Variants in ZNF799 observed in about 807,000 individuals in gnomAD.
The protein encoded by ZNF799 is zinc finger protein 799, also known as zinc finger protein 14.
Under a neutral mutation model 41.0 loss-of-function variants are expected in ZNF799, and 28 were observed. The observed-to-expected ratio is 0.68, with a 90% CI of 0.51 to 0.94. ZNF799 has a LOEUF of 0.94. ZNF799 is among the 40% of genes least tolerant of loss of function. The pLI is 0.00. For missense variants in ZNF799, 716 were observed against 764.3 expected, an observed-to-expected ratio of 0.94 and a Z score of 0.74; for synonymous variants, 213 against 252.9, an observed-to-expected ratio of 0.84 and a Z score of 1.50.
upstream of ZNF799, among the ~76,000 whole-genome samples, chr19:12,403,475 G>C (rs1970011453): frequency 6.7e-6 from 1 of 149,658 alleles, no homozygotes; most frequent in East Asian, 1.9e-4. Flanking sequence ...TTTGGGTTTG[G>C]TTTGCTCTTG....
intron 1 of ZNF799, among the ~76,000 whole-genome samples, chr19:12,399,945 C>G (rs1171596140): frequency 2.0e-5 from 3 of 152,162 alleles, no homozygotes; most frequent in Admixed American, 2.0e-4. Flanking sequence ...CCACCGTGTT[C>G]AGGAACCCAA....
At chr19:12,406,207 C>T (rs186254991), upstream of ZNF799, among the ~76,000 whole-genome samples, 1,249 of 149,718 alleles carry the variant, frequency 8.3e-3, 13 homozygotes, top group African/African-American at 0.028. Context: ...AGGCCCGGCG[C>T]GGTGGCTCAC....
At chr19:12,399,218 C>T (rs1179170448) in intron 1 of ZNF799, among the ~76,000 whole-genome samples, 3 of 152,198 alleles carry the variant, frequency 2.0e-5, no homozygotes, top group Non-Finnish European at 4.4e-5. Context: ...TCACCTGGGA[C>T]ATCCCTTAAC....
chr19:12,400,954 G>C, intron 1 of ZNF799, 114 bp downstream of exon 1: 1 of 1,593,930 alleles, frequency 6.3e-7, no homozygotes, highest in East Asian at 2.2e-5. Flanking sequence ...AGGGGAACCC[G>C]GGTCCGTAGA....
Position 12,401,236 on chromosome 19 carries a change from A to G in ZNF799, c.-166T>C, listed in dbSNP as rs1969981161. The G allele has an allele frequency of 4.8e-6, 7 of 1,455,998 alleles. No homozygotes were observed. The South Asian group carries it at 7.9e-5, about 17-fold the overall frequency. The allele number at this position is 1,455,998 out of a possible 1,614,324, so 90.2% of individuals were successfully genotyped here. A position where few individuals can be genotyped will look rare whatever the true frequency, so the allele number is the denominator to read the frequency against. On this transcript the variant is annotated 5_prime_UTR_variant, in exon 1 of 4. Coordinates refer to ENST00000430385, the MANE Select transcript of ZNF799 (RefSeq NM_001080821.3). ...TGGAGAAGACGCCGCGGGCTTTTTC[A>G]ACCACACACTCCTCTGGGAAGCGCG...
chr19:12,390,232 G>A lies in ZNF799; in HGVS notation c.*234C>T. On this transcript the variant is annotated 3_prime_UTR_variant, in exon 4 of 4. Coordinates refer to ENST00000430385, the MANE Select transcript of ZNF799 (RefSeq NM_001080821.3). ...AGAGTATACAAGAGGATGTGGGTAAGTTACATACAAATATGTCATTTTATA... is the reference window on the plus strand; with the variant it reads ...AGAGTATACAAGAGGATGTGGGTAAATTACATACAAATATGTCATTTTATA... 1.3e-6 allele frequency: 1 copy of A among 782,050 alleles called. No individual in the cohort carries two copies. Among genetic ancestry groups the A allele is most frequent in the Non-Finnish European group, 2.0e-6 (1 of 495,950 alleles). The allele number at this position is 782,050 out of a possible 1,614,324, so 48.4% of individuals were successfully genotyped here. A position where few individuals can be genotyped will look rare whatever the true frequency, so the allele number is the denominator to read the frequency against.
chr19:12,395,368 C>T (rs1969879878), intron 1 of ZNF799, among the ~76,000 whole-genome samples: 1 of 152,082 alleles, frequency 6.6e-6, no homozygotes, highest in Admixed American at 6.6e-5. Context: ...TCTCAAACTC[C>T]TGACCTCAAA....
chr19:12,407,206 A>G, the ZNF799 span, among the ~76,000 whole-genome samples: 1 of 152,140 alleles, frequency 6.6e-6, no homozygotes, highest in African/African-American at 2.4e-5. Context: ...GCTCATGCCT[A>G]TAATTCCGGC....
chr19:12,394,566 G>C, intron 1 of ZNF799: 1 of 985,002 alleles, frequency 1.0e-6, no homozygotes, highest in Non-Finnish European at 1.2e-6. Flanking sequence ...GTTTCCTTTA[G>C]ATCAAATGTA....
chr19:12,396,067 G>A lies in ZNF799; in HGVS notation c.4-2644C>T, dbSNP rs1448300440. On this transcript the variant is annotated intron_variant, in intron 1 of 3. Coordinates refer to ENST00000430385, the MANE Select transcript of ZNF799 (RefSeq NM_001080821.3). Reference sequence around the variant, plus strand: ...TCAACACACATAAACAGAAAACAGTGAGGAAAGAAGAAGAATCCAATTTTC... The same window carrying A: ...TCAACACACATAAACAGAAAACAGTAAGGAAAGAAGAAGAATCCAATTTTC... 6.6e-5 allele frequency among the ~76,000 whole-genome samples: 10 copies of A among 152,310 alleles called. No individual in the cohort carries two copies. In the East Asian group the frequency reaches 1.3e-3, roughly 21 times the overall value.
At chr19:12,404,332 G>A (rs1200415104), upstream of ZNF799, among the ~76,000 whole-genome samples, 2 of 152,168 alleles carry the variant, frequency 1.3e-5, no homozygotes, top group Non-Finnish European at 2.9e-5. Context: ...TATATATTGA[G>A]ATAATCTTTG....
intron 1 of ZNF799, among the ~76,000 whole-genome samples, chr19:12,398,502 T>C (rs1006013435): frequency 6.6e-6 from 1 of 152,222 alleles, no homozygotes. Flanking sequence ...CCCAAATACC[T>C]ATCCCTTCCA....
Position 12,391,258 on chromosome 19 carries a change from A to G in ZNF799, c.1140T>C (p.Phe380=). The G allele has an allele frequency of 6.2e-7, 1 of 1,614,140 alleles. No individual in the cohort carries two copies. Among genetic ancestry groups the G allele is most frequent in the African/African-American group, 1.3e-5 (1 of 75,046 alleles). ...CAGTGTGCATTGTCATGTGTCTTCG[A>G]AAGCTTGAGCTATGAGATAACGCTT... ...CGKALSHSSS[F]RRHMTMHTGD... Residue 380 remains phenylalanine (F), a synonymous_variant, in exon 4 of 4, where the codon TTT becomes TTC. Transcript: ENST00000430385.
chr19:12,391,291 C>A lies in ZNF799; in HGVS notation c.1107G>T (p.Gln369His), dbSNP rs1009173404. ...AGCTATGAGATAACGCTTTCCCACA[C>A]TGCTTGCATTCATAGAGTTTCTCTC... ...HTGEKLYECK[Q>H]CGKALSHSSS... is the part of the protein sequence containing the mutation. The change falls in exon 4 of 4, where the codon CAG becomes CAT. Residue 369 changes from glutamine to histidine, a missense_variant. By Grantham distance (24) the Gln-to-His change is conservative. Around this residue, in one of 2 missense-constraint regions of ZNF799, gnomAD observed 698 missense variants for 713.6 expected, o/e 0.98. Transcript: ENST00000430385. The A allele has an allele frequency of 3.1e-6, 5 of 1,613,920 alleles. No homozygotes were observed. The African/African-American group carries it at 5.3e-5, about 17-fold the overall frequency.
chr19:12,398,365 C>T (rs1054432441), intron 1 of ZNF799: 3 of 151,834 alleles, frequency 2.0e-5, no homozygotes, highest in East Asian at 3.9e-4. Flanking sequence ...CTATGCTTTA[C>T]ATGGATATTT....
intron 1 of ZNF799, among the ~76,000 whole-genome samples, chr19:12,398,919 TA>T (rs1969939062): frequency 6.6e-6 from 1 of 152,176 alleles, no homozygotes. Flanking sequence ...TAAAGGTTTT[TA>T]AAAAATGGAA....
chr19:12,407,462 A>T, the ZNF799 span, among the ~76,000 whole-genome samples: 20 of 147,006 alleles, frequency 1.4e-4, no homozygotes, highest in Admixed American at 8.9e-4. Context: ...GACCCTATCT[A>T]AAAAAAAAAA....
chr19:12,397,034 A>G (rs980155181), intron 1 of ZNF799, among the ~76,000 whole-genome samples: 1 of 152,260 alleles, frequency 6.6e-6, no homozygotes, highest in African/African-American at 2.4e-5. Flanking sequence ...TTCCTATTGG[A>G]TATCATAAAG....
chr19:12,405,035 G>A (rs1029796130), upstream of ZNF799, among the ~76,000 whole-genome samples: 10 of 152,088 alleles, frequency 6.6e-5, no homozygotes, highest in Non-Finnish European at 1.5e-4. Flanking sequence ...AACATGAAAA[G>A]GAGAGACTGG....
Sources: gnomAD v4.1 joint callset for allele counts (sites outside exome capture counted in the v4.1 genomes callset) on GRCh38, gnomAD v4.1.1 for gene constraint, gnomAD v4.1.1 regional missense constraint, MANE v1.5 for transcripts, NCBI Gene and HGNC (gene_info 2026-07-23, HGNC 2026-07-21) for gene names.